Variants in PLCB4 observed in about 807,000 individuals in gnomAD.
PLCB4 encodes the protein phospholipase C beta 4.
PLCB4 carries 77 observed loss-of-function variants against 178.8 expected under a neutral mutation model. That is an observed-to-expected ratio of 0.43 (90% confidence interval 0.36 to 0.52). The LOEUF is 0.52. Ranked by LOEUF, PLCB4 falls within the 20% of genes least tolerant of loss-of-function variation. The pLI is 0.00. For synonymous variants in PLCB4, 496 were observed against 490.8 expected, an observed-to-expected ratio of 1.01 and a Z score of -0.14; for missense variants, 1,024 against 1,453.4, an observed-to-expected ratio of 0.70 and a Z score of 4.80.
chr20:9,314,573 T>C (rs764852029), intron 4 of PLCB4, among the ~76,000 whole-genome samples: 17 of 152,176 alleles, frequency 1.1e-4, no homozygotes, highest in Non-Finnish European at 2.2e-4. Flanking sequence ...ATATTGTTTC[T>C]TTCTGAAATG....
intron 3 of PLCB4, among the ~76,000 whole-genome samples, chr20:9,261,118 C>A (rs2094293106): frequency 6.6e-6 from 1 of 152,100 alleles, no homozygotes; most frequent in Admixed American, 6.6e-5. Flanking sequence ...CATTTTCTAA[C>A]ACAGTGTAAG....
intron 33 of PLCB4, among the ~76,000 whole-genome samples, chr20:9,457,072 C>G (rs1389660196): frequency 1.3e-5 from 2 of 152,116 alleles, no homozygotes; most frequent in Non-Finnish European, 2.9e-5. Context: ...GTCTGAGGAC[C>G]TATTTTCCAG....
At chr20:9,346,355 G>A (rs1180015777) in intron 7 of PLCB4, among the ~76,000 whole-genome samples, 3 of 152,196 alleles carry the variant, frequency 2.0e-5, no homozygotes, top group Non-Finnish European at 2.9e-5. Context: ...ACTTGCAGAG[G>A]CCTTAAAGAA....
intron 4 of PLCB4, among the ~76,000 whole-genome samples, chr20:9,315,431 G>T (rs568990874): frequency 2.0e-5 from 3 of 152,162 alleles, no homozygotes; most frequent in Non-Finnish European, 4.4e-5. Context: ...ATGGTCCAGC[G>T]GCAGGAGACC....
intron 3 of PLCB4, among the ~76,000 whole-genome samples, chr20:9,250,567 C>G (rs997633558): frequency 6.6e-6 from 1 of 152,178 alleles, no homozygotes; most frequent in Admixed American, 6.5e-5. Flanking sequence ...AGGAAGTGTC[C>G]TTTTGAGATG....
chr20:9,283,992 A>G (rs2094516167), intron 3 of PLCB4, among the ~76,000 whole-genome samples: 1 of 152,030 alleles, frequency 6.6e-6, no homozygotes, highest in South Asian at 2.1e-4. Flanking sequence ...ATACAGGTCT[A>G]TATTGAGCAC....
chr20:9,374,024 G>A (rs2036469315), intron 12 of PLCB4, among the ~76,000 whole-genome samples: 1 of 151,996 alleles, frequency 6.6e-6, no homozygotes, highest in East Asian at 1.9e-4. Flanking sequence ...AAGAAAAGAT[G>A]GTATCATGCC....
In PLCB4 at chr20:9,245,281, T is replaced by C. The variant is rs1262062776; in HGVS notation, c.-16+27829T>C. ...TCCAGAATTTTGGGGAGTGAGGAAATAGATTCCACTTCTTGATGGGAAGAA... is the reference window on the plus strand; with the variant it reads ...TCCAGAATTTTGGGGAGTGAGGAAACAGATTCCACTTCTTGATGGGAAGAA... On this transcript the variant is annotated intron_variant, in intron 3 of 39. Transcript: ENST00000378473. Among the ~76,000 whole-genome samples the C allele has an allele frequency of 2.0e-5, 3 of 152,112 alleles. No homozygotes were observed. In the South Asian group the frequency reaches 6.2e-4, roughly 32 times the overall value.
rs772648257 is a variant in PLCB4 at position 9,389,859 on chromosome 20, G to A, written c.1159-20G>A. ...TTTTTTGCTCTTTTCTCTCATTAACGTTTTTTTTTGTTTTTAAAGGATGTA... is the reference window on the plus strand; with the variant it reads ...TTTTTTGCTCTTTTCTCTCATTAACATTTTTTTTTGTTTTTAAAGGATGTA... On this transcript the variant is annotated intron_variant, in intron 15 of 39. Coordinates refer to ENST00000378473, the MANE Select transcript of PLCB4 (RefSeq NM_001377142.1). The A allele has an allele frequency of 1.0e-5, 14 of 1,369,140 alleles. No individual in the cohort carries two copies. Among genetic ancestry groups the A allele is most frequent in the Non-Finnish European group, 1.3e-5 (13 of 977,732 alleles). 84.8% of individuals were successfully genotyped at this position (1,369,140 alleles called of 1,614,324 possible). A position where few individuals can be genotyped will look rare whatever the true frequency, so the allele number is the denominator to read the frequency against.
intron 18 of PLCB4, among the ~76,000 whole-genome samples, chr20:9,394,355 AGTAACAGCAC>A (rs1231257542): frequency 6.6e-6 from 1 of 152,192 alleles, no homozygotes; most frequent in Non-Finnish European, 1.5e-5. Flanking sequence ...AGTGTAAGAA[AGTAACAGCAC>A]TAACATATAT....
chr20:9,333,142 T>C (rs1483471529), intron 4 of PLCB4, among the ~76,000 whole-genome samples: 1 of 152,208 alleles, frequency 6.6e-6, no homozygotes, highest in East Asian at 1.9e-4. Context: ...TGCAAAATCT[T>C]TTATTTAAAA....
intron 2 of PLCB4, among the ~76,000 whole-genome samples, chr20:9,122,385 G>A (rs1372419651): frequency 1.3e-5 from 2 of 151,630 alleles, no homozygotes; most frequent in African/African-American, 2.4e-5. Context: ...TACGTCCTAC[G>A]TGATTTTGTT....
At chr20:9,070,785 A>G (rs2089532874) in intron 1 of PLCB4, among the ~76,000 whole-genome samples, 1 of 152,208 alleles carries the variant, frequency 6.6e-6, no homozygotes, top group Non-Finnish European at 1.5e-5. Flanking sequence ...TATGGACTAC[A>G]CTTCCTTCCA....
chr20:9,132,779 A>G (rs1180208372), intron 2 of PLCB4, among the ~76,000 whole-genome samples: 2 of 152,158 alleles, frequency 1.3e-5, no homozygotes, highest in African/African-American at 2.4e-5. Flanking sequence ...TGCCTATACA[A>G]TAGCTCCTCA....
chr20:9,324,045 C>G (rs2029936935), intron 4 of PLCB4, among the ~76,000 whole-genome samples: 1 of 152,058 alleles, frequency 6.6e-6, no homozygotes, highest in South Asian at 2.1e-4. Context: ...TTCTGTCTTG[C>G]CTGTAATCTC....
chr20:9,090,680 C>T (rs145489743), intron 1 of PLCB4, among the ~76,000 whole-genome samples: 163 of 152,148 alleles, frequency 1.1e-3, no homozygotes, highest in African/African-American at 3.8e-3. Flanking sequence ...CATCTCTGCA[C>T]GTTCATCACA....
intron 7 of PLCB4, among the ~76,000 whole-genome samples, chr20:9,354,589 C>T (rs1029634739): frequency 6.6e-6 from 1 of 152,180 alleles, no homozygotes; most frequent in Non-Finnish European, 1.5e-5. Context: ...ATGCTCAACC[C>T]GCTGATCAAG....
intron 2 of PLCB4, among the ~76,000 whole-genome samples, chr20:9,184,169 C>A (rs186937313): frequency 6.2e-4 from 94 of 152,298 alleles, no homozygotes; most frequent in Middle Eastern, 6.8e-3. Context: ...ACCCCCACCA[C>A]CTTCTGCAAT....
intron 3 of PLCB4, among the ~76,000 whole-genome samples, chr20:9,266,589 C>A (rs2094351732): frequency 1.3e-5 from 2 of 152,084 alleles, no homozygotes; most frequent in South Asian, 4.1e-4. Context: ...AAAAACATTC[C>A]TTATGGAAAA....
Sources: gnomAD v4.1 joint callset for allele counts (sites outside exome capture counted in the v4.1 genomes callset) on GRCh38, gnomAD v4.1.1 for gene constraint, MANE v1.5 for transcripts, NCBI Gene and HGNC (gene_info 2026-07-23, HGNC 2026-07-21) for gene names.